The following COL8A1 variants were observed in gnomAD, a reference collection of about 807,000 sequenced individuals.
COL8A1 encodes collagen type VIII alpha 1 chain, also known as collagen alpha-1(VIII) chain.
Under a neutral mutation model 42.7 loss-of-function variants are expected in COL8A1, and 21 were observed. The observed-to-expected ratio is 0.49, with a 90% CI of 0.35 to 0.71. The LOEUF (loss-of-function observed/expected upper bound fraction) is 0.71, where lower values mean the gene tolerates loss of function less well. Among genes scored for constraint, COL8A1 ranks in the 30% least tolerant of loss-of-function variants. COL8A1 has a pLI of 0.01. For missense variants in COL8A1, 788 were observed against 962.4 expected (o/e 0.82, Z 2.40); for synonymous variants, 367 against 369.1 (o/e 0.99, Z 0.06).
chr3:99,648,965 C>T (rs1391836121), intron 1 of COL8A1, among the ~76,000 whole-genome samples: 1 of 152,076 alleles, frequency 6.6e-6, no homozygotes, highest in Admixed American at 6.5e-5. Flanking sequence ...CTTCCTTTAT[C>T]CTGTGCCAAA....
chr3:99,656,860 A>C (rs1273941480), intron 1 of COL8A1, among the ~76,000 whole-genome samples: 2 of 152,232 alleles, frequency 1.3e-5, no homozygotes, highest in Non-Finnish European at 2.9e-5. Context: ...AGCACATTCC[A>C]AATCTGTCCG....
chr3:99,795,737 C>G lies in COL8A1; in HGVS notation c.1836C>G (p.Ala612=). ...GAKKGKNGGP[A]YEMPAFTAEL... is the part of the protein sequence containing the mutation. Reference sequence around the variant, plus strand: ...AGAAAGGCAAGAATGGAGGGCCAGCCTATGAGATGCCTGCATTTACCGCCG... The same window carrying G: ...AGAAAGGCAAGAATGGAGGGCCAGCGTATGAGATGCCTGCATTTACCGCCG... Residue 612 remains alanine (A), a synonymous_variant, in exon 4 of 4, where the codon GCC becomes GCG. Transcript: ENST00000652472. 3 of 1,614,132 alleles carry G rather than the reference C, an allele frequency of 1.9e-6. No individual in the cohort carries two copies.
At chr3:99,641,044 C>T (rs1056131483) in intron 1 of COL8A1, among the ~76,000 whole-genome samples, 1 of 152,104 alleles carries the variant, frequency 6.6e-6, no homozygotes, top group African/African-American at 2.4e-5. Context: ...CAGAAATGTG[C>T]ATTTTAGATG....
intron 1 of COL8A1, among the ~76,000 whole-genome samples, chr3:99,743,376 G>A (rs1333305632): frequency 6.6e-6 from 1 of 152,196 alleles, no homozygotes; most frequent in East Asian, 1.9e-4. Context: ...CCAAAGTGCA[G>A]GGTGCTGCTG....
At chr3:99,680,848 A>G (rs1428611664) in intron 1 of COL8A1, among the ~76,000 whole-genome samples, 2 of 152,168 alleles carry the variant, frequency 1.3e-5, no homozygotes, top group Non-Finnish European at 2.9e-5. Flanking sequence ...ATCTACAACC[A>G]TCTGATCTCT....
rs532678123 is a variant in COL8A1 at position 99,793,153 on chromosome 3, T to C, written c.329-1077T>C. ...GAGGGAGAGAATGGAGAGATGATGA[T>C]GAAAGGTTTAAAGCCTCAGTTAGGC... is the stretch of plus-strand genomic sequence containing the variant. On this transcript the variant is annotated intron_variant, in intron 3 of 3. Transcript: ENST00000652472. Among the ~76,000 whole-genome samples, 21 of 152,236 alleles carry C rather than the reference T, an allele frequency of 1.4e-4. No homozygotes were observed. The South Asian group carries it at 2.1e-3, about 15-fold the overall frequency.
chr3:99,790,827 C>T lies in COL8A1; in HGVS notation c.145C>T (p.Pro49Ser). ...QIPPQMPPQI[P>S]QYQPLGQQVP... ...TCCTCCTCAGATGCCACCACAAATT[C>T]CACAATACCAGCCCCTGGGTCAGCA... is the stretch of plus-strand genomic sequence containing the variant. The change falls in exon 3 of 4, where the codon CCA becomes TCA. Residue 49 changes from proline (P) to serine (S), a missense_variant. Coordinates refer to ENST00000652472, the MANE Select transcript of COL8A1 (RefSeq NM_020351.4). 2 of 1,614,238 alleles carry T rather than the reference C, an allele frequency of 1.2e-6. No individual in the cohort carries two copies. The highest frequency in any genetic ancestry group is 1.7e-6 in the Non-Finnish European group (2 of 1,180,044).
chr3:99,797,082 T>A lies in COL8A1; in HGVS notation c.*946T>A, dbSNP rs912763182. The stretch of plus-strand genomic sequence containing the variant: ...CTAATAACTTTCCAAATTTGTGGAA[T>A]ATTTATTTGTAATAGCAGTTATCAG... On this transcript the variant is annotated 3_prime_UTR_variant, in exon 4 of 4. Coordinates refer to ENST00000652472, the MANE Select transcript of COL8A1 (RefSeq NM_020351.4). 1.3e-5 allele frequency: 2 copies of A among 152,240 alleles called. No homozygotes were observed. Among genetic ancestry groups the A allele is most frequent in the African/African-American group, 4.8e-5 (2 of 41,462 alleles). 9.4% of individuals were successfully genotyped at this position (152,240 alleles called of 1,614,324 possible). A position where few individuals can be genotyped will look rare whatever the true frequency, so the allele number is the denominator to read the frequency against.
At chr3:99,654,629 T>C (rs1261297280) in intron 1 of COL8A1, among the ~76,000 whole-genome samples, 1 of 152,014 alleles carries the variant, frequency 6.6e-6, no homozygotes, top group East Asian at 1.9e-4. Flanking sequence ...CTCTACAAAA[T>C]GTACAAAGAC....
chr3:99,791,250 T>C (rs1348817113), intron 3 of COL8A1, among the ~76,000 whole-genome samples: 6 of 152,236 alleles, frequency 3.9e-5, no homozygotes, highest in Non-Finnish European at 8.8e-5. Flanking sequence ...ATAAAATATA[T>C]TAAATCACAA....
intron 1 of COL8A1, among the ~76,000 whole-genome samples, chr3:99,725,388 G>A (rs1370265527): frequency 4.0e-5 from 6 of 151,790 alleles, no homozygotes; most frequent in Non-Finnish European, 2.9e-5. Context: ...TTGGCACAGA[G>A]CTCATTCTAC....
At chr3:99,690,730 T>C (rs970676110) in intron 1 of COL8A1, among the ~76,000 whole-genome samples, 21 of 152,220 alleles carry the variant, frequency 1.4e-4, no homozygotes, top group Non-Finnish European at 2.5e-4. Context: ...GCCCTAGTCA[T>C]CTAAAAACAA....
intron 1 of COL8A1, among the ~76,000 whole-genome samples, chr3:99,694,353 G>C (rs1460864994): frequency 6.6e-6 from 1 of 152,040 alleles, no homozygotes; most frequent in Non-Finnish European, 1.5e-5. Context: ...CATGGTGCCT[G>C]TAGCCCCAGT....
At chr3:99,745,198 C>G (rs1426432486) in intron 2 of COL8A1, among the ~76,000 whole-genome samples, 177 bp downstream of exon 2, 5 of 152,138 alleles carry the variant, frequency 3.3e-5, no homozygotes, top group African/African-American at 1.2e-4. Flanking sequence ...AACATTGCTA[C>G]TAATATTAGG....
At chr3:99,664,949 G>A (rs540704943) in intron 1 of COL8A1, among the ~76,000 whole-genome samples, 84 of 152,218 alleles carry the variant, frequency 5.5e-4, no homozygotes, top group African/African-American at 1.9e-3. Context: ...AGCTTCCAAC[G>A]TCCTTCAGAT....
At chr3:99,768,181 T>C (rs765050700) in intron 2 of COL8A1, among the ~76,000 whole-genome samples, 1 of 152,186 alleles carries the variant, frequency 6.6e-6, no homozygotes, top group Non-Finnish European at 1.5e-5. Flanking sequence ...ACTCAAACTC[T>C]TGAAAGTTAA....
At chr3:99,682,430 A>G (rs541976337) in intron 1 of COL8A1, among the ~76,000 whole-genome samples, 1 of 152,090 alleles carries the variant, frequency 6.6e-6, no homozygotes, top group African/African-American at 2.4e-5. Context: ...TAATAATAAT[A>G]ATGATAATAA....
intron 1 of COL8A1, among the ~76,000 whole-genome samples, chr3:99,659,123 G>GGT (rs1364206455): frequency 6.6e-6 from 1 of 152,200 alleles, no homozygotes; most frequent in East Asian, 1.9e-4. Flanking sequence ...CCCTGATGGT[G>GGT]GTTAGTTCAG....
intron 1 of COL8A1, among the ~76,000 whole-genome samples, chr3:99,657,693 TC>T (rs768145965): frequency 2.6e-5 from 4 of 152,142 alleles, no homozygotes; most frequent in Non-Finnish European, 4.4e-5. Flanking sequence ...TTATCTTCAT[TC>T]ATTTTCCCTC....
Sources: allele counts gnomAD v4.1 joint callset (sites outside exome capture counted in the v4.1 genomes callset), GRCh38; gene constraint gnomAD v4.1.1; transcripts MANE v1.5; gene names NCBI Gene and HGNC (gene_info 2026-07-23, HGNC 2026-07-21).